NSUN3: variants seen among roughly 807,000 people sequenced by gnomAD.
The protein encoded by NSUN3 is NOP2/Sun RNA methyltransferase 3.
In NSUN3, 24 loss-of-function variants were observed where a neutral mutation model predicts 36.8. The ratio of observed to expected loss-of-function variants is 0.65; its 90% confidence interval spans 0.47 to 0.92. NSUN3 has a LOEUF of 0.92. Ranked by LOEUF, NSUN3 falls within the 40% of genes least tolerant of loss-of-function variation. The pLI, the probability that NSUN3 is intolerant of heterozygous loss-of-function variation, is 0.00. For missense variants in NSUN3, 381 were observed against 392.8 expected (o/e 0.97, Z 0.25); for synonymous variants, 146 against 145.2 (o/e 1.01, Z -0.04).
chr3:94,124,148 CTTTTTTTTTT>C (rs58987431), intron 5 of NSUN3, among the ~76,000 whole-genome samples: 3 of 88,186 alleles, frequency 3.4e-5, no homozygotes, highest in East Asian at 3.7e-4. Flanking sequence ...TATTTTATTT[CTTTTTTTTTT>C]TTTTTTTTTT....
chr3:94,091,738 T>C (rs1429132859), intron 3 of NSUN3, among the ~76,000 whole-genome samples: 4 of 152,182 alleles, frequency 2.6e-5, no homozygotes, highest in Admixed American at 1.3e-4. Context: ...AAGAGGAAAG[T>C]TGAATGAAAG....
chr3:94,068,211 A>G (rs1323318635), intron 2 of NSUN3, among the ~76,000 whole-genome samples: 1 of 152,210 alleles, frequency 6.6e-6, no homozygotes, highest in African/African-American at 2.4e-5. Context: ...TGTATATACA[A>G]TGTGAATGGA....
At chr3:94,079,108 T>C (rs1191654027) in intron 2 of NSUN3, among the ~76,000 whole-genome samples, 3 of 152,216 alleles carry the variant, frequency 2.0e-5, no homozygotes, top group Non-Finnish European at 4.4e-5. Context: ...CAGGAGCTCT[T>C]GTAAGGCAGG....
chr3:94,064,367 CT>C, intron 1 of NSUN3, 69 bp from the exon 2 acceptor site: 1 of 909,076 alleles, frequency 1.1e-6, no homozygotes, highest in South Asian at 1.4e-5. Flanking sequence ...AAAAAAAGAC[CT>C]TGCTAATGTT....
chr3:94,074,422 C>A (rs1428867611), intron 2 of NSUN3, among the ~76,000 whole-genome samples: 1 of 152,108 alleles, frequency 6.6e-6, no homozygotes, highest in Non-Finnish European at 1.5e-5. Context: ...TGTATTGATT[C>A]TTCTTATCCA....
At chr3:94,110,701 TTC>T (rs2077412355) in intron 5 of NSUN3, among the ~76,000 whole-genome samples, 1 of 151,204 alleles carries the variant, frequency 6.6e-6, no homozygotes, top group East Asian at 2.0e-4. Context: ...TATATTAGAG[TTC>T]TCCAGAGAAA....
At position 94,095,112 on chromosome 3, in the gene NSUN3, G is replaced by T. The variant is rs759169406; in HGVS notation, c.701G>T (p.Ser234Ile). ...SDSQKASCRI[S>I]QRRNLPLLQI... The stretch of plus-strand genomic sequence containing the variant: ...TCTCAGAAGGCATCCTGTAGGATAA[G>T]TCAAAGGAGGAATTTGCCTCTTCTA... Residue 234 changes from serine to isoleucine, a missense_variant, in exon 5 of 6, where the codon AGT (serine) becomes ATT (isoleucine). Ser to Ile is a moderately radical substitution (Grantham distance 142, BLOSUM62 -2). Coordinates refer to ENST00000314622, the MANE Select transcript of NSUN3 (RefSeq NM_022072.5). 1 of 1,613,912 alleles carries T rather than the reference G, an allele frequency of 6.2e-7. No individual in the cohort carries two copies. Among genetic ancestry groups the T allele is most frequent in the Admixed American group, 1.7e-5 (1 of 60,008 alleles).
intron 2 of NSUN3, chr3:94,076,981 C>T (rs1403073075): frequency 9.6e-6 from 9 of 938,302 alleles, no homozygotes; most frequent in East Asian, 7.2e-5. Context: ...CAGGACAAGT[C>T]GATGAATGCT....
chr3:94,067,070 C>T (rs2077206587), intron 2 of NSUN3, among the ~76,000 whole-genome samples: 1 of 152,086 alleles, frequency 6.6e-6, no homozygotes, highest in South Asian at 2.1e-4. Context: ...GGCCTGGGGA[C>T]CACAGGTGTC....
At chr3:94,065,476 T>C (rs973632374) in intron 2 of NSUN3, among the ~76,000 whole-genome samples, 3 of 152,198 alleles carry the variant, frequency 2.0e-5, no homozygotes, top group African/African-American at 7.2e-5. Context: ...GTTGCATGGC[T>C]ACAGATATTA....
In NSUN3 at chr3:94,084,257, T is replaced by C; in HGVS notation, c.273T>C (p.Cys91=). The change falls in exon 3 of 6, where the codon TGT becomes TGC. Residue 91 remains cysteine, a synonymous_variant. Transcript: ENST00000314622. ...CCAACTATCCTAAATCAGTGAAGTGTTACCTTAGCAGAACTCCGGGCCGAA... is the reference window on the plus strand; with the variant it reads ...CCAACTATCCTAAATCAGTGAAGTGCTACCTTAGCAGAACTCCGGGCCGAA... ...SLPNYPKSVK[C]YLSRTPGRIP... is the part of the protein sequence containing the mutation. 1 of 1,614,074 alleles carries C rather than the reference T, an allele frequency of 6.2e-7. No homozygotes were observed.
chr3:94,089,587 A>C (rs557508761), intron 3 of NSUN3, among the ~76,000 whole-genome samples: 15 of 152,306 alleles, frequency 9.8e-5, no homozygotes, highest in African/African-American at 3.6e-4. Flanking sequence ...GTTTCTAAAC[A>C]CACTGTGCGT....
chr3:94,118,636 A>G (rs981736856), intron 5 of NSUN3, among the ~76,000 whole-genome samples: 11 of 152,248 alleles, frequency 7.2e-5, no homozygotes, highest in African/African-American at 2.4e-4. Context: ...AGGATACTAT[A>G]CTATTATGCA....
At chr3:94,114,714 C>T (rs1343083994) in intron 5 of NSUN3, among the ~76,000 whole-genome samples, 1 of 152,086 alleles carries the variant, frequency 6.6e-6, no homozygotes, top group Non-Finnish European at 1.5e-5. Flanking sequence ...TCCCATCATC[C>T]GGGTAGTAAG....
intron 3 of NSUN3, 115 bp from the exon 4 acceptor site, chr3:94,094,025 C>T (rs2107254986): frequency 1.4e-6 from 1 of 713,468 alleles, no homozygotes; most frequent in Non-Finnish European, 2.3e-6. Flanking sequence ...ACCTCTGAGC[C>T]CTATTTCTGC....
At chr3:94,073,029 C>T (rs1212077974) in intron 2 of NSUN3, among the ~76,000 whole-genome samples, 1 of 152,144 alleles carries the variant, frequency 6.6e-6, no homozygotes, top group Non-Finnish European at 1.5e-5. Context: ...GTTCACCTCC[C>T]ACTGATGAGT....
chr3:94,103,011 C>A (rs541024262), intron 5 of NSUN3, among the ~76,000 whole-genome samples: 1 of 152,170 alleles, frequency 6.6e-6, no homozygotes, highest in East Asian at 1.9e-4. Flanking sequence ...CTCAGCCTCT[C>A]GAGTAGCTGG....
At chr3:94,097,030 C>T (rs1247760812) in intron 5 of NSUN3, among the ~76,000 whole-genome samples, 1 of 152,098 alleles carries the variant, frequency 6.6e-6, no homozygotes, top group African/African-American at 2.4e-5. Context: ...TATATTCTGT[C>T]TACTGTTTTT....
Position 94,109,080 on chromosome 3 carries a change from C to A in NSUN3, c.743+13926C>A, listed in dbSNP as rs554911991. On this transcript the variant is annotated intron_variant, in intron 5 of 5. Coordinates refer to ENST00000314622, the MANE Select transcript of NSUN3 (RefSeq NM_022072.5). ...TTTTCAAGCAGCTAAAAATTTATTCCTTGGGAAAAACAGAATAGGGAGAAA... is the reference window on the plus strand; with the variant it reads ...TTTTCAAGCAGCTAAAAATTTATTCATTGGGAAAAACAGAATAGGGAGAAA... Among the ~76,000 whole-genome samples the A allele has an allele frequency of 3.3e-5, 5 of 152,242 alleles. No homozygotes were observed. The East Asian group carries it at 9.7e-4, about 29-fold the overall frequency.
Sources: gnomAD v4.1 joint callset for allele counts (sites outside exome capture counted in the v4.1 genomes callset) on GRCh38, gnomAD v4.1.1 for gene constraint, MANE v1.5 for transcripts, NCBI Gene and HGNC (gene_info 2026-07-23, HGNC 2026-07-21) for gene names.